The following CYP46A1 variants were observed in gnomAD, a reference collection of about 807,000 sequenced individuals.
CYP46A1 encodes cholesterol 24-hydroxylase.
In CYP46A1, 20 loss-of-function variants were observed where a neutral mutation model predicts 63.3. The observed-to-expected ratio is 0.32, with a 90% confidence interval of 0.22 to 0.46. The LOEUF (loss-of-function observed/expected upper bound fraction) is 0.46, where lower values mean the gene tolerates loss of function less well. Ranked by LOEUF, CYP46A1 falls within the 20% of genes least tolerant of loss-of-function variation. CYP46A1 has a pLI of 1.00. For missense variants in CYP46A1, 445 were observed against 670.8 expected (o/e 0.66, Z 3.72); for synonymous variants, 268 against 273.6 (o/e 0.98, Z 0.20).
chr14:99,714,026 C>T (rs1011971943), intron 7 of CYP46A1, among the ~76,000 whole-genome samples: 1 of 151,862 alleles, frequency 6.6e-6, no homozygotes, highest in African/African-American at 2.4e-5. Flanking sequence ...ACAAGGAACA[C>T]AACAGCAAAA....
intron 2 of CYP46A1, 127 bp downstream of exon 2, chr14:99,691,288 G>A (rs2056540957): frequency 5.5e-6 from 5 of 916,114 alleles, no homozygotes; most frequent in Middle Eastern, 3.3e-4. Flanking sequence ...AGCCCCAGCA[G>A]TTCCTCCCCT....
At chr14:99,726,359 G>A in intron 14 of CYP46A1, 103 bp downstream of exon 14, 9 of 1,349,984 alleles carry the variant, frequency 6.7e-6, no homozygotes, top group Non-Finnish European at 9.1e-6. Context: ...GGGCTGCTGG[G>A]CTGTGGGCTC....
At chr14:99,717,363 CTG>C (rs1355317274) in intron 9 of CYP46A1, among the ~76,000 whole-genome samples, 1 of 152,180 alleles carries the variant, frequency 6.6e-6, no homozygotes, top group Admixed American at 6.5e-5. Context: ...TGTGAGGAAA[CTG>C]AGGCCGAGGA....
chr14:99,707,477 C>T (rs1283749724), intron 6 of CYP46A1, 91 bp from the exon 7 acceptor site: 9 of 965,912 alleles, frequency 9.3e-6, no homozygotes, highest in Non-Finnish European at 8.2e-6. Flanking sequence ...AGCCCAGAGT[C>T]CAGGTGTCTA....
rs574555995 is a variant in CYP46A1 at position 99,720,757 on chromosome 14, ACT to A, written c.981-481_981-480del. 1.7e-3 allele frequency among the ~76,000 whole-genome samples: 263 copies of A among 152,020 alleles called. 2 individuals carry two copies. Among genetic ancestry groups the A allele is most frequent in the African/African-American group, 5.8e-3 (240 of 41,500 alleles). ...CAACATAGTTCCCAGTGGTTTGGGCACTGTTTTGGATGTGGCCATCGCTGGAT... is the reference window on the plus strand; with the variant it reads ...CAACATAGTTCCCAGTGGTTTGGGCAGTTTTGGATGTGGCCATCGCTGGAT... On this transcript the variant is annotated intron_variant, in intron 10 of 14. Coordinates refer to ENST00000261835, the MANE Select transcript of CYP46A1 (RefSeq NM_006668.2).
intron 3 of CYP46A1, among the ~76,000 whole-genome samples, chr14:99,693,392 T>C (rs1039810857): frequency 6.6e-6 from 1 of 152,244 alleles, no homozygotes; most frequent in African/African-American, 2.4e-5. Flanking sequence ...AAGACTTTCG[T>C]GATGCTTAAT....
chr14:99,703,756 G>A (rs532244423), intron 5 of CYP46A1: 2 of 950,212 alleles, frequency 2.1e-6, no homozygotes, highest in South Asian at 9.7e-5. Flanking sequence ...GACGCACCCT[G>A]TCCCTGAGTC....
intron 7 of CYP46A1, among the ~76,000 whole-genome samples, chr14:99,715,463 G>A (rs1342867604): frequency 2.6e-5 from 4 of 152,128 alleles, no homozygotes; most frequent in African/African-American, 9.7e-5. Context: ...CTTTTTGGCA[G>A]TTGATCGCAC....
intron 7 of CYP46A1, chr14:99,709,880 A>G (rs2140128644): frequency 6.6e-6 from 1 of 152,334 alleles, no homozygotes; most frequent in East Asian, 1.9e-4. Flanking sequence ...ACTAAAGTAG[A>G]TTGCTCAGTG....
intron 10 of CYP46A1, 146 bp downstream of exon 10, chr14:99,718,272 A>C (rs1041208343): frequency 4.8e-6 from 3 of 622,782 alleles, no homozygotes; most frequent in Non-Finnish European, 8.6e-6. Context: ...CTCTCTTGGA[A>C]GCGCTCTCCC....
chr14:99,703,934 A>G (rs923298898), intron 5 of CYP46A1: 1 of 964,890 alleles, frequency 1.0e-6, no homozygotes, highest in South Asian at 4.8e-5. Context: ...AGAAATACTT[A>G]TTGTGCCAAG....
At chr14:99,718,596 C>T (rs2056814819) in intron 10 of CYP46A1, among the ~76,000 whole-genome samples, 1 of 152,116 alleles carries the variant, frequency 6.6e-6, no homozygotes, top group Non-Finnish European at 1.5e-5. Flanking sequence ...GAGGGTGTCC[C>T]TGGGGAGGTG....
intron 7 of CYP46A1, 91 bp downstream of exon 7, chr14:99,707,769 T>TTC (rs2056692443): frequency 7.1e-6 from 8 of 1,119,762 alleles, no homozygotes; most frequent in African/African-American, 1.6e-5. Flanking sequence ...TTTTTTTTTT[T>TTC]CCCAGAATGG....
At chr14:99,718,205 A>G (rs931346932) in intron 10 of CYP46A1, 79 bp downstream of exon 10, 10 of 1,247,734 alleles carry the variant, frequency 8.0e-6, no homozygotes, top group South Asian at 2.5e-5. Flanking sequence ...CCCACCTCCC[A>G]TGGTTGAGTC....
chr14:99,712,782 A>C (rs987273014), intron 7 of CYP46A1: 2 of 152,232 alleles, frequency 1.3e-5, no homozygotes, highest in Non-Finnish European at 2.9e-5. Flanking sequence ...TCTTCACAGA[A>C]ATAGAAAAAG....
intron 9 of CYP46A1, 38 bp from the exon 10 acceptor site, chr14:99,718,016 G>GC (rs756577008): frequency 1.3e-6 from 2 of 1,543,620 alleles, no homozygotes; most frequent in African/African-American, 2.7e-5. Context: ...TCATCCTGTG[G>GC]CCCCATGTGG....
At chr14:99,691,663 G>T in intron 2 of CYP46A1, 117 bp from the exon 3 acceptor site, 1 of 925,304 alleles carries the variant, frequency 1.1e-6, no homozygotes. Context: ...CACTCTTTTG[G>T]TAGCATGCAT....
chr14:99,706,869 C>G, intron 6 of CYP46A1, 84 bp downstream of exon 6: 1 of 1,486,850 alleles, frequency 6.7e-7, no homozygotes, highest in Non-Finnish European at 9.0e-7. Context: ...CTTCTCTCTT[C>G]CCCTCCCTCC....
chr14:99,691,048 G>A, intron 1 of CYP46A1, 33 bp from the exon 2 acceptor site: 1 of 1,603,616 alleles, frequency 6.2e-7, no homozygotes, highest in Non-Finnish European at 8.5e-7. Context: ...CCTGTTGACT[G>A]CTGGTAAGCC....
Sources: gnomAD v4.1 joint callset for allele counts (sites outside exome capture counted in the v4.1 genomes callset) on GRCh38, gnomAD v4.1.1 for gene constraint, MANE v1.5 for transcripts, NCBI Gene and HGNC (gene_info 2026-07-23, HGNC 2026-07-21) for gene names.